The following FAM228B variants were observed in gnomAD, a reference collection of about 807,000 sequenced individuals.
The protein encoded by FAM228B is protein FAM228B.
A neutral mutation model predicts 42.6 loss-of-function variants in FAM228B; 38 were observed. The observed-to-expected ratio is 0.89, with a 90% confidence interval of 0.69 to 1.17. The LOEUF (loss-of-function observed/expected upper bound fraction) is 1.17. Among genes scored for constraint, FAM228B ranks in the 50% most tolerant of loss-of-function variants. The pLI is 0.00. For synonymous variants in FAM228B, 109 were observed against 122.3 expected (o/e 0.89, Z 0.72); for missense variants, 344 against 367.3 (o/e 0.94, Z 0.52).
At chr2:24,117,751 T>C (rs1665969270) in intron 3 of FAM228B, among the ~76,000 whole-genome samples, 2 of 152,204 alleles carry the variant, frequency 1.3e-5, no homozygotes, top group Admixed American at 6.5e-5. Context: ...CCTGTAATTC[T>C]TTACTTCCCA....
At chr2:24,151,928 G>A (rs1416220941) in intron 7 of FAM228B, among the ~76,000 whole-genome samples, 2 of 152,060 alleles carry the variant, frequency 1.3e-5, no homozygotes, top group African/African-American at 4.8e-5. Context: ...GAGTGCAGTG[G>A]CATGATCTCA....
At chr2:24,124,496 T>G (rs1216221264) in intron 2 of FAM228B, 36 bp downstream of exon 2, 2 of 1,387,950 alleles carry the variant, frequency 1.4e-6, no homozygotes, top group East Asian at 2.5e-5. Context: ...GGAGATTTTT[T>G]TACTTGGATC....
chr2:24,139,577 C>T (rs548665040), intron 5 of FAM228B, 127 bp downstream of exon 5: 49 of 464,178 alleles, frequency 1.1e-4, no homozygotes, highest in African/African-American at 6.6e-4. Flanking sequence ...AGTTTCCCAT[C>T]GCCTGATCTT....
At chr2:24,108,681 C>A (rs13418169) in intron 3 of FAM228B, among the ~76,000 whole-genome samples, 17,695 of 152,032 alleles carry the variant, frequency 0.12, 1,228 homozygotes, top group South Asian at 0.18. Flanking sequence ...ACGGGCAGAT[C>A]ACGAGGTCAT....
intron 3 of FAM228B, among the ~76,000 whole-genome samples, chr2:24,100,886 G>T (rs1355334680): frequency 6.6e-6 from 1 of 152,168 alleles, no homozygotes; most frequent in African/African-American, 2.4e-5. Context: ...ATGATAGACT[G>T]GAATAAGAAA....
chr2:24,151,287 T>G (rs1255850855), intron 7 of FAM228B, among the ~76,000 whole-genome samples: 1 of 151,784 alleles, frequency 6.6e-6, no homozygotes, highest in African/African-American at 2.4e-5. Context: ...TTGTTTTTTG[T>G]TTTTTGTTTT....
intron 2 of FAM228B, among the ~76,000 whole-genome samples, chr2:24,132,853 A>G (rs986494514): frequency 6.6e-6 from 1 of 152,116 alleles, no homozygotes; most frequent in African/African-American, 2.4e-5. Context: ...TCTTTCCTGA[A>G]GTTGGCAGCA....
chr2:24,120,173 G>A (rs548179928), upstream of FAM228B, among the ~76,000 whole-genome samples: 7 of 152,234 alleles, frequency 4.6e-5, no homozygotes, highest in East Asian at 1.2e-3. Flanking sequence ...GTAAGCTGAG[G>A]CAGGAGAATC....
intron 3 of FAM228B, among the ~76,000 whole-genome samples, chr2:24,135,720 G>A (rs1666565009): frequency 6.6e-6 from 1 of 151,906 alleles, no homozygotes. Flanking sequence ...GGTTAGGGAG[G>A]GACTCGGCCT....
At chr2:24,154,587 C>A (rs1295178639) in intron 7 of FAM228B, among the ~76,000 whole-genome samples, 1 of 152,176 alleles carries the variant, frequency 6.6e-6, no homozygotes, top group Non-Finnish European at 1.5e-5. Flanking sequence ...TCCAGCTAAT[C>A]ATCAATGTTT....
At chr2:24,131,151 T>C (rs1366611288) in intron 2 of FAM228B, among the ~76,000 whole-genome samples, 1 of 152,212 alleles carries the variant, frequency 6.6e-6, no homozygotes, top group South Asian at 2.1e-4. Flanking sequence ...TGTATGGTGT[T>C]ATTTCTGAGG....
Position 24,077,449 on chromosome 2 carries a change from A to C in FAM228B, c.-290+480A>C. On this transcript the variant is annotated intron_variant, in intron 1 of 10. Coordinates refer to the FAM228B transcript ENST00000613899. The surrounding 1 kb of genome is among the most constrained non-coding windows in gnomAD (Gnocchi z 5.5). Reference sequence around the variant, plus strand: ...GTGCCACCCTTCCAGTTCACTCTTTATTTCCTCATATCAGCTTTAAACGGC... The same window carrying C: ...GTGCCACCCTTCCAGTTCACTCTTTCTTTCCTCATATCAGCTTTAAACGGC... The C allele has an allele frequency of 1.8e-6, 2 of 1,127,848 alleles. No individual in the cohort carries two copies. The highest frequency in any genetic ancestry group is 2.1e-5 in the South Asian group (1 of 46,906). The allele number at this position is 1,127,848 out of a possible 1,614,324, so 69.9% of individuals were successfully genotyped here.
At chr2:24,115,907 C>G (rs1263817804) in intron 3 of FAM228B, among the ~76,000 whole-genome samples, 7 of 117,036 alleles carry the variant, frequency 6.0e-5, no homozygotes, top group Non-Finnish European at 1.1e-4. Flanking sequence ...GGTTCCCATG[C>G]AAAAAAAAAA....
At chr2:24,114,499 G>C (rs1468676666) in intron 3 of FAM228B, among the ~76,000 whole-genome samples, 1 of 152,152 alleles carries the variant, frequency 6.6e-6, no homozygotes. Flanking sequence ...ATCTTGGCCT[G>C]TGTAGAACCC....
chr2:24,164,834 C>T (rs1306484715), intron 9 of FAM228B, among the ~76,000 whole-genome samples: 1 of 152,110 alleles, frequency 6.6e-6, no homozygotes, highest in East Asian at 1.9e-4. Context: ...AGATTGCCAG[C>T]AGCAGAGAGG....
rs1308765892 is a variant in FAM228B, at chr2:24,091,284, T to G, written c.-209-3857T>G. 2.0e-5 allele frequency among the ~76,000 whole-genome samples: 3 copies of G among 152,148 alleles called. No homozygotes were observed. In the East Asian group the frequency reaches 5.8e-4, roughly 29 times the overall value. On this transcript the variant is annotated intron_variant, in intron 2 of 10. Coordinates refer to the FAM228B transcript ENST00000613899. ...CCGCCTCTACTAAAAATACAAAAAA[T>G]TAGCCGGGCGTGGTGGCGGGCGCCA...
In FAM228B at chr2:24,138,033, C is replaced by A; in HGVS notation, c.293C>A (p.Ser98Ter). Residue 98 changes from serine (S) to a stop codon, truncating the protein, a stop_gained, in exon 4 of 11, where the codon TCA becomes TAA. Coordinates refer to ENST00000615575, the MANE Select transcript of FAM228B (RefSeq NM_001145710.2). LOFTEE classifies it high-confidence loss of function. ...LQKKIIEKVC[S>*]HKKIKKRRQG... ...AAGAAAATTATAGAAAAAGTTTGCT[C>A]ACATAAGAAGATTAAAAAAAGGAGG... The A allele has an allele frequency of 6.5e-7, 1 of 1,547,090 alleles. No homozygotes were observed. The highest frequency in any genetic ancestry group is 1.2e-5 in the South Asian group (1 of 82,548).
chr2:24,118,354 T>C (rs1014050960), intron 3 of FAM228B, among the ~76,000 whole-genome samples: 24 of 152,248 alleles, frequency 1.6e-4, no homozygotes, highest in African/African-American at 5.5e-4. Flanking sequence ...ATATAGTTTC[T>C]GTGATAAACT....
At position 24,077,460 on chromosome 2, in the gene FAM228B, T is replaced by G; in HGVS notation, c.-290+491T>G. ...CCAGTTCACTCTTTATTTCCTCATATCAGCTTTAAACGGCTCTGGAGGAAG... is the reference window on the plus strand; with the variant it reads ...CCAGTTCACTCTTTATTTCCTCATAGCAGCTTTAAACGGCTCTGGAGGAAG... On this transcript the variant is annotated intron_variant, in intron 1 of 10. Coordinates refer to the FAM228B transcript ENST00000613899. This position sits in a 1 kb window ranked among gnomAD's most constrained non-coding sequence, Gnocchi z 5.5. 1 of 1,207,498 alleles carries G rather than the reference T, an allele frequency of 8.3e-7. No homozygotes were observed. Among genetic ancestry groups the G allele is most frequent in the Non-Finnish European group, 1.1e-6 (1 of 899,756 alleles). 74.8% of individuals were successfully genotyped at this position (1,207,498 alleles called of 1,614,324 possible).
Sources: allele counts gnomAD v4.1 joint callset (sites outside exome capture counted in the v4.1 genomes callset), GRCh38; gene constraint gnomAD v4.1.1; non-coding constraint Gnocchi (gnomAD v3.1); transcripts MANE v1.5; gene names NCBI Gene and HGNC (gene_info 2026-07-23, HGNC 2026-07-21).